EPHB1: variants seen among roughly 807,000 people sequenced by gnomAD.
EPHB1 encodes the protein EPH receptor B1.
Under a neutral mutation model 94.4 loss-of-function variants are expected in EPHB1, and 30 were observed. The observed-to-expected ratio is 0.32, with a 90% confidence interval of 0.24 to 0.43. The LOEUF (loss-of-function observed/expected upper bound fraction) is 0.43, where lower values mean the gene tolerates loss of function less well. Among genes scored for constraint, EPHB1 ranks in the 20% least tolerant of loss-of-function variants. The probability of loss-of-function intolerance (pLI) is 1.00; values close to 1 mark genes in which losing one functional copy is unlikely to be tolerated. For missense variants in EPHB1, 1,055 were observed against 1,308.3 expected (o/e 0.81, Z 2.99); for synonymous variants, 522 against 489.1 (o/e 1.07, Z -0.89).
intron 3 of EPHB1, among the ~76,000 whole-genome samples, chr3:135,001,407 C>T (rs1441627315): frequency 6.6e-6 from 1 of 152,174 alleles, no homozygotes; most frequent in Non-Finnish European, 1.5e-5. Context: ...CCTCCATCTC[C>T]CAGGGCTGTT....
chr3:135,126,815 C>T (rs1434885935), intron 4 of EPHB1, among the ~76,000 whole-genome samples: 1 of 152,198 alleles, frequency 6.6e-6, no homozygotes, highest in African/African-American at 2.4e-5. Context: ...GGTATGGGCT[C>T]CTACATCAGG....
chr3:134,862,527 A>G (rs1045041242), intron 1 of EPHB1, among the ~76,000 whole-genome samples: 6 of 151,192 alleles, frequency 4.0e-5, no homozygotes, highest in African/African-American at 1.5e-4. Context: ...AAAGAAAAAT[A>G]CTCAATTAGA....
At chr3:134,841,023 C>A (rs745325326) in intron 1 of EPHB1, among the ~76,000 whole-genome samples, 5 of 152,212 alleles carry the variant, frequency 3.3e-5, no homozygotes, top group Non-Finnish European at 7.3e-5. Context: ...CTTGGGACTT[C>A]TTCTGGGGTA....
intron 3 of EPHB1, among the ~76,000 whole-genome samples, chr3:135,054,044 C>T (rs866556263): frequency 0.028 from 3,556 of 127,024 alleles, 88 homozygotes; most frequent in African/African-American, 0.098. Context: ...TATATATACA[C>T]ACACACACAC....
At chr3:134,895,608 G>T (rs2038072124) in intron 1 of EPHB1, among the ~76,000 whole-genome samples, 1 of 152,200 alleles carries the variant, frequency 6.6e-6, no homozygotes, top group African/African-American at 2.4e-5. Flanking sequence ...CTGAAAACAT[G>T]CACTTTTCCA....
chr3:134,851,454 C>G (rs1483139254), intron 1 of EPHB1, among the ~76,000 whole-genome samples: 1 of 152,146 alleles, frequency 6.6e-6, no homozygotes, highest in African/African-American at 2.4e-5. Context: ...CTCCCTTCCT[C>G]CATCCCTCCT....
intron 1 of EPHB1, among the ~76,000 whole-genome samples, chr3:134,803,201 C>T (rs1175022617): frequency 6.6e-6 from 1 of 152,174 alleles, no homozygotes; most frequent in Non-Finnish European, 1.5e-5. Flanking sequence ...GCACCTGAGG[C>T]CCTGCGTCTC....
intron 5 of EPHB1, among the ~76,000 whole-genome samples, chr3:135,141,809 G>T (rs1940840331): frequency 6.6e-6 from 1 of 152,160 alleles, no homozygotes; most frequent in South Asian, 2.1e-4. Flanking sequence ...ATTGAGCCTG[G>T]TGCTGCCTGA....
chr3:135,228,596 T>G (rs1358059329), intron 12 of EPHB1, among the ~76,000 whole-genome samples: 3 of 152,186 alleles, frequency 2.0e-5, no homozygotes, highest in Non-Finnish European at 4.4e-5. Context: ...CATCAATGTT[T>G]TTTCCCATTT....
At chr3:135,194,788 T>C (rs764236161) in intron 11 of EPHB1, among the ~76,000 whole-genome samples, 5 of 152,156 alleles carry the variant, frequency 3.3e-5, no homozygotes, top group Non-Finnish European at 7.4e-5. Context: ...GACAGCCTCC[T>C]TGAGGGTATG....
intron 12 of EPHB1, among the ~76,000 whole-genome samples, chr3:135,231,426 TACAC>T (rs1943528196): frequency 6.6e-6 from 1 of 152,156 alleles, no homozygotes; most frequent in African/African-American, 2.4e-5. Context: ...ACACATGAAA[TACAC>T]ACTATCATCC....
intron 5 of EPHB1, among the ~76,000 whole-genome samples, chr3:135,144,461 G>A (rs1446473819): frequency 6.6e-6 from 1 of 152,144 alleles, no homozygotes; most frequent in Admixed American, 6.5e-5. Context: ...GATTCTGCCT[G>A]TCTTACCAGT....
At chr3:134,993,878 C>T (rs1934901946) in intron 3 of EPHB1, among the ~76,000 whole-genome samples, 1 of 152,186 alleles carries the variant, frequency 6.6e-6, no homozygotes, top group African/African-American at 2.4e-5. Context: ...TCTTGGGTTT[C>T]CCCAGTTGTG....
intron 12 of EPHB1, among the ~76,000 whole-genome samples, chr3:135,207,222 A>G (rs1196539732): frequency 6.6e-6 from 1 of 152,164 alleles, no homozygotes; most frequent in Non-Finnish European, 1.5e-5. Flanking sequence ...TAGATGATAG[A>G]GCTTATATGT....
At chr3:135,096,467 G>C (rs564528735) in intron 3 of EPHB1, among the ~76,000 whole-genome samples, 1 of 152,328 alleles carries the variant, frequency 6.6e-6, no homozygotes, top group East Asian at 1.9e-4. Flanking sequence ...AGTAGGCCTG[G>C]AGGAGGATCT....
At chr3:135,204,850 C>T (rs4501139) in intron 12 of EPHB1, among the ~76,000 whole-genome samples, 43,371 of 146,668 alleles carry the variant, frequency 0.3, 7,457 homozygotes, top group East Asian at 0.51. Flanking sequence ...CTATAGTTAC[C>T]CTGTTTTGCT....
At chr3:135,128,365 G>A (rs1286000103) in intron 4 of EPHB1, among the ~76,000 whole-genome samples, 2 of 152,252 alleles carry the variant, frequency 1.3e-5, no homozygotes, top group African/African-American at 4.8e-5. Flanking sequence ...AAGTGGCTTA[G>A]CATCTTCCTC....
chr3:135,157,977 G>T (rs1404414612), intron 6 of EPHB1, among the ~76,000 whole-genome samples: 2 of 152,156 alleles, frequency 1.3e-5, no homozygotes, highest in Non-Finnish European at 2.9e-5. Context: ...CACAGAACCA[G>T]AACTTTACAC....
chr3:134,827,637 A>T (rs2036508034), intron 1 of EPHB1, among the ~76,000 whole-genome samples: 1 of 152,200 alleles, frequency 6.6e-6, no homozygotes, highest in South Asian at 2.1e-4. Flanking sequence ...CCCAGTTTCA[A>T]TGTGTAGCAT....
Sources: gnomAD v4.1 joint callset for allele counts (sites outside exome capture counted in the v4.1 genomes callset) on GRCh38, gnomAD v4.1.1 for gene constraint, MANE v1.5 for transcripts, NCBI Gene and HGNC (gene_info 2026-07-23, HGNC 2026-07-21) for gene names.